Variants in FAAH2 observed in about 807,000 individuals in gnomAD.
FAAH2 encodes fatty acid amide hydrolase 2.
Under a neutral mutation model 36.9 loss-of-function variants are expected in FAAH2, and 60 were observed. That is an observed-to-expected ratio of 1.63 (90% CI 1.32 to 2.02). The LOEUF (loss-of-function observed/expected upper bound fraction) is 2.02, where lower values mean the gene tolerates loss of function less well. Ranked by LOEUF, FAAH2 falls within the 30% of genes most tolerant of loss-of-function variation. The pLI is 0.00. For synonymous variants in FAAH2, 214 were observed against 143.8 expected, an observed-to-expected ratio of 1.49 and a Z score of -3.49; for missense variants, 689 against 397.5, an observed-to-expected ratio of 1.73 and a Z score of -6.23.
At chrX:57,254,481 GCAC>G in the FAAH2 span, among the ~76,000 whole-genome samples, 1 of 111,826 alleles carries the variant, frequency 8.9e-6, no homozygotes, top group African/African-American at 3.3e-5. Flanking sequence ...ATTCTTCTCA[GCAC>G]CACATCGCAC....
intron 5 of FAAH2, among the ~76,000 whole-genome samples, chrX:57,366,371 C>T (rs753061672): frequency 4.5e-5 from 5 of 112,215 alleles, no homozygotes; most frequent in Non-Finnish European, 7.5e-5. Context: ...GGACCTGGCC[C>T]ACAGCTTTGT....
chrX:57,341,437 A>T, intron 5 of FAAH2, 47 bp downstream of exon 5: 1 of 1,157,691 alleles, frequency 8.6e-7, no homozygotes, highest in Non-Finnish European at 1.2e-6. Context: ...TATAATTCAG[A>T]GCAATTCAGA....
chrX:57,413,213 G>A (rs1254944261), intron 7 of FAAH2, among the ~76,000 whole-genome samples: 1 of 112,028 alleles, frequency 8.9e-6, no homozygotes, highest in Non-Finnish European at 1.9e-5. Flanking sequence ...CTATGCTGAA[G>A]CTCTTTAGTT....
At chrX:57,412,674 C>T (rs1203289329) in intron 7 of FAAH2, among the ~76,000 whole-genome samples, 1 of 111,826 alleles carries the variant, frequency 8.9e-6, no homozygotes, top group Non-Finnish European at 1.9e-5. Context: ...AACAGTGCTG[C>T]AATAAACATA....
At chrX:57,355,533 A>G (rs1424312368) in intron 5 of FAAH2, among the ~76,000 whole-genome samples, 1 of 110,273 alleles carries the variant, frequency 9.1e-6, no homozygotes, top group African/African-American at 3.3e-5. Flanking sequence ...ATTTGTTTCT[A>G]TTTTACTCCT....
At chrX:57,418,303 GT>G (rs1280697502) in intron 7 of FAAH2, among the ~76,000 whole-genome samples, 1 of 111,900 alleles carries the variant, frequency 8.9e-6, no homozygotes, top group Non-Finnish European at 1.9e-5. Flanking sequence ...AGCTAGCTCA[GT>G]GTCTGCCCAA....
At chrX:57,134,773 A>G in the FAAH2 span, 1 of 111,850 alleles carries the variant, frequency 8.9e-6, no homozygotes, top group Non-Finnish European at 1.9e-5. Context: ...GAGGCAGCCC[A>G]CAGCCCAGCA....
At chrX:57,461,158 G>A (rs1485783539) in intron 10 of FAAH2, among the ~76,000 whole-genome samples, 1 of 95,960 alleles carries the variant, frequency 1.0e-5, no homozygotes, top group Non-Finnish European at 2.2e-5. Flanking sequence ...AAAAAAAAAA[G>A]TTCTCAGAGT....
intron 7 of FAAH2, among the ~76,000 whole-genome samples, chrX:57,397,939 T>C (rs1284468203): frequency 9.4e-6 from 1 of 105,960 alleles, no homozygotes; most frequent in Admixed American, 1.0e-4. Flanking sequence ...CACCTATGAG[T>C]GAGAACATGC....
At chrX:57,235,724 T>A in the FAAH2 span, among the ~76,000 whole-genome samples, 1 of 112,291 alleles carries the variant, frequency 8.9e-6, no homozygotes, top group East Asian at 2.8e-4. Context: ...ATAATTGGCA[T>A]GTAATCGTTG....
At chrX:57,255,822 T>A in the FAAH2 span, among the ~76,000 whole-genome samples, 2 of 111,370 alleles carry the variant, frequency 1.8e-5, no homozygotes, top group Admixed American at 1.9e-4. Flanking sequence ...CGATATCATA[T>A]CAAATGGGCA....
intron 7 of FAAH2, among the ~76,000 whole-genome samples, chrX:57,412,357 T>C (rs1475531572): frequency 9.0e-6 from 1 of 111,617 alleles, no homozygotes; most frequent in Non-Finnish European, 1.9e-5. Flanking sequence ...TTTCTTCTAA[T>C]GCTATCCCTC....
At chrX:57,285,723 G>A (rs1861173886), upstream of FAAH2, among the ~76,000 whole-genome samples, 1 of 112,026 alleles carries the variant, frequency 8.9e-6, no homozygotes, top group Non-Finnish European at 1.9e-5. Flanking sequence ...TAGGGATGAA[G>A]CATAGAGTTT....
chrX:57,330,159 G>A (rs762410785), intron 3 of FAAH2, among the ~76,000 whole-genome samples: 8 of 111,869 alleles, frequency 7.2e-5, no homozygotes, highest in African/African-American at 9.8e-5. Context: ...TCTGACCACC[G>A]GTGAGCCGGG....
chrX:57,308,642 C>A (rs1483388117), intron 2 of FAAH2, among the ~76,000 whole-genome samples: 1 of 111,571 alleles, frequency 9.0e-6, no homozygotes, highest in Non-Finnish European at 1.9e-5. Flanking sequence ...AAGTACTGCC[C>A]AATACCTGAA....
At chrX:57,317,342 G>A (rs2052871723) in intron 3 of FAAH2, among the ~76,000 whole-genome samples, 1 of 111,946 alleles carries the variant, frequency 8.9e-6, no homozygotes, top group African/African-American at 3.2e-5. Context: ...CAAATGTAAA[G>A]CGAAAAAGAG....
chrX:57,459,939 C>T (rs1294486450), intron 10 of FAAH2, among the ~76,000 whole-genome samples: 1 of 111,465 alleles, frequency 9.0e-6, no homozygotes, highest in African/African-American at 3.3e-5. Flanking sequence ...TGCCTCTTCT[C>T]CCCCAAGTGA....
chrX:57,236,860 T>G, the FAAH2 span, among the ~76,000 whole-genome samples: 1 of 111,690 alleles, frequency 9.0e-6, no homozygotes, highest in African/African-American at 3.3e-5. Flanking sequence ...TTTAGTTCAG[T>G]GTAATCCCAT....
intron 7 of FAAH2, 72 bp from the exon 8 acceptor site, chrX:57,431,846 G>T (rs1367053493): frequency 3.6e-6 from 3 of 825,227 alleles, no homozygotes; most frequent in Non-Finnish European, 4.5e-6. Context: ...CTGCCATCTT[G>T]CTGATGTCAC....
Sources: gnomAD v4.1 joint callset for allele counts (sites outside exome capture counted in the v4.1 genomes callset) on GRCh38, gnomAD v4.1.1 for gene constraint, MANE v1.5 for transcripts, NCBI Gene and HGNC (gene_info 2026-07-23, HGNC 2026-07-21) for gene names.